The following FAF2 variants were observed in gnomAD, a reference collection of about 807,000 sequenced individuals.
FAF2 encodes the protein Fas associated factor family member 2, also known as FAS-associated factor 2.
In FAF2, 9 loss-of-function variants were observed where a neutral mutation model predicts 62.3. The ratio of observed to expected loss-of-function variants is 0.14; its 90% CI spans 0.09 to 0.25. The LOEUF (loss-of-function observed/expected upper bound fraction) is 0.25, where lower values mean the gene tolerates loss of function less well. Among genes scored for constraint, FAF2 ranks in the 10% least tolerant of loss-of-function variants. FAF2 has a pLI of 1.00. For synonymous variants in FAF2, 202 were observed against 198.0 expected, an observed-to-expected ratio of 1.02 and a Z score of -0.17; for missense variants, 368 against 556.2, an observed-to-expected ratio of 0.66 and a Z score of 3.40.
At position 176,492,189 on chromosome 5, in the gene FAF2, C is replaced by G. The variant is rs552365294; in HGVS notation, c.345-5C>G. On this transcript the variant is annotated splice_region_variant and splice_polypyrimidine_tract_variant and intron_variant, in intron 4 of 10. Coordinates refer to ENST00000261942, the MANE Select transcript of FAF2 (RefSeq NM_014613.3). Reference sequence around the variant, plus strand: ...TTCATGTGATATTTATTCCTTCCTCCCCAGGTTTGCTCTTCGTTTTATACG... The same window carrying G: ...TTCATGTGATATTTATTCCTTCCTCGCCAGGTTTGCTCTTCGTTTTATACG... 2.1e-5 allele frequency: 34 copies of G among 1,614,100 alleles called. No homozygotes were observed. In the South Asian group the frequency reaches 3.3e-4, roughly 16 times the overall value.
At chr5:176,467,129 C>CTTTTTTTTTTTTTTTTTTTTTT (rs374702773) in intron 1 of FAF2, among the ~76,000 whole-genome samples, 1 of 94,036 alleles carries the variant, frequency 1.1e-5, no homozygotes, top group Admixed American at 1.3e-4. Context: ...TTTTTTTTTC[C>CTTTTTTTTTTTTTTTTTTTTTT]TTTTTTTTTT....
intron 10 of FAF2, among the ~76,000 whole-genome samples, chr5:176,502,472 T>G (rs1185362251): frequency 6.6e-6 from 1 of 151,380 alleles, no homozygotes; most frequent in Admixed American, 6.6e-5. Context: ...CTCAGCGACT[T>G]GGGAGGCTGA....
chr5:176,492,458 T>C (rs2113741459), intron 5 of FAF2, 126 bp downstream of exon 5: 1 of 1,039,006 alleles, frequency 9.6e-7, no homozygotes, highest in Non-Finnish European at 1.3e-6. Context: ...TCACTGCTTA[T>C]AGGGGTGGGT....
At chr5:176,482,405 G>T (rs889823598) in intron 2 of FAF2, among the ~76,000 whole-genome samples, 5 of 152,036 alleles carry the variant, frequency 3.3e-5, no homozygotes, top group African/African-American at 1.2e-4. Flanking sequence ...TAGAGGCGAG[G>T]TTTCTCCATG....
chr5:176,468,655 G>A (rs1758512228), intron 1 of FAF2, among the ~76,000 whole-genome samples: 3 of 152,028 alleles, frequency 2.0e-5, no homozygotes, highest in Non-Finnish European at 4.4e-5. Flanking sequence ...TTATGGAGCT[G>A]GGCACATTGG....
intron 1 of FAF2, among the ~76,000 whole-genome samples, chr5:176,475,767 TA>T (rs776213068): frequency 0.012 from 1,653 of 133,236 alleles, 5 homozygotes; most frequent in African/African-American, 0.018. Context: ...AGACTTCGTC[TA>T]AAAAAAAAAA....
chr5:176,449,738 A>G (rs902921374), intron 1 of FAF2, among the ~76,000 whole-genome samples: 5 of 152,230 alleles, frequency 3.3e-5, no homozygotes, highest in Non-Finnish European at 7.3e-5. Flanking sequence ...TTCCTTATAT[A>G]AAATGTGTAA....
intron 10 of FAF2, among the ~76,000 whole-genome samples, chr5:176,502,941 G>A (rs868566493): frequency 5.3e-5 from 8 of 152,018 alleles, no homozygotes; most frequent in African/African-American, 1.9e-4. Context: ...CCAGCTACTC[G>A]GGAGGCTGAG....
intron 1 of FAF2, among the ~76,000 whole-genome samples, chr5:176,460,068 C>T (rs937839708): frequency 2.0e-5 from 3 of 152,086 alleles, no homozygotes; most frequent in African/African-American, 4.8e-5. Context: ...TGATTTTGTT[C>T]TTTTTTATGA....
intron 8 of FAF2, 124 bp from the exon 9 acceptor site, chr5:176,498,790 A>G (rs963440358): frequency 5.6e-6 from 5 of 900,656 alleles, no homozygotes; most frequent in Non-Finnish European, 7.5e-6. Context: ...GCAGTGTGAA[A>G]TCGTCATCTG....
chr5:176,487,590 C>T (rs190934745), intron 3 of FAF2, among the ~76,000 whole-genome samples: 1 of 152,242 alleles, frequency 6.6e-6, no homozygotes, highest in East Asian at 1.9e-4. Context: ...TGGCCACAGA[C>T]ACAGAAAGTG....
At chr5:176,474,868 G>C (rs1033175798) in intron 1 of FAF2, among the ~76,000 whole-genome samples, 2 of 152,320 alleles carry the variant, frequency 1.3e-5, no homozygotes, top group South Asian at 4.1e-4. Context: ...GGCAGGGACT[G>C]TATCTGTATC....
intron 1 of FAF2, among the ~76,000 whole-genome samples, chr5:176,477,567 G>A (rs1219728612): frequency 6.6e-6 from 1 of 152,166 alleles, no homozygotes; most frequent in Non-Finnish European, 1.5e-5. Context: ...ACTCAGAACT[G>A]TCAAAGCCAG....
chr5:176,465,195 A>G (rs952327732), intron 1 of FAF2, among the ~76,000 whole-genome samples: 1 of 151,974 alleles, frequency 6.6e-6, no homozygotes, highest in Non-Finnish European at 1.5e-5. Context: ...CTGGCCAGAT[A>G]TGTACCATTT....
chr5:176,458,764 T>G (rs972948968), intron 1 of FAF2, among the ~76,000 whole-genome samples: 1 of 152,180 alleles, frequency 6.6e-6, no homozygotes, highest in African/African-American at 2.4e-5. Flanking sequence ...CATAAAATTT[T>G]TCTTTGTACC....
At chr5:176,483,036 C>CT (rs138202675) in intron 2 of FAF2, among the ~76,000 whole-genome samples, 2,026 of 151,280 alleles carry the variant, frequency 0.013, 44 homozygotes, top group East Asian at 0.11. Flanking sequence ...GGCCTGTTTT[C>CT]TTTTTTTTAT....
chr5:176,492,765 A>G (rs561413101), intron 5 of FAF2, among the ~76,000 whole-genome samples: 1 of 152,210 alleles, frequency 6.6e-6, no homozygotes, highest in Non-Finnish European at 1.5e-5. Flanking sequence ...CTCATCATCT[A>G]GAATACTAAT....
intron 1 of FAF2, among the ~76,000 whole-genome samples, chr5:176,471,198 G>C (rs1297177826): frequency 1.3e-5 from 2 of 151,830 alleles, no homozygotes; most frequent in Non-Finnish European, 2.9e-5. Flanking sequence ...CTTTTCCCTG[G>C]ACTTCATCTA....
intron 1 of FAF2, among the ~76,000 whole-genome samples, 191 bp downstream of exon 1, chr5:176,448,661 A>G (rs1250550461): frequency 1.4e-5 from 2 of 142,272 alleles, no homozygotes; most frequent in Non-Finnish European, 3.0e-5. Flanking sequence ...CCTTCCAGCC[A>G]TCGCTGCGGG....
Sources: gnomAD v4.1 joint callset for allele counts (sites outside exome capture counted in the v4.1 genomes callset) on GRCh38, gnomAD v4.1.1 for gene constraint, MANE v1.5 for transcripts, NCBI Gene and HGNC (gene_info 2026-07-23, HGNC 2026-07-21) for gene names.